The following ARHGAP21 variants were observed in gnomAD, a reference collection of about 807,000 sequenced individuals.
The protein encoded by ARHGAP21 is rho GTPase-activating protein 21.
In ARHGAP21, 38 loss-of-function variants were observed where a neutral mutation model predicts 164.6. The ratio of observed to expected loss-of-function variants is 0.23; its 90% CI spans 0.18 to 0.30. The LOEUF is 0.30. Ranked by LOEUF, ARHGAP21 falls within the 10% of genes least tolerant of loss-of-function variation. The pLI is 1.00. For synonymous variants in ARHGAP21, 766 were observed against 857.9 expected (o/e 0.89, Z 1.87); for missense variants, 1,822 against 2,370.7 (o/e 0.77, Z 4.81).
chr10:24,666,953 T>A (rs748143233), intron 4 of ARHGAP21, 32 bp downstream of exon 4: 11 of 1,417,948 alleles, frequency 7.8e-6, no homozygotes, highest in South Asian at 7.5e-5. Context: ...TAGAAAAACA[T>A]TCAGAGATAA....
chr10:24,670,422 T>C (rs201984558), intron 2 of ARHGAP21, 25 bp from the exon 3 acceptor site: 2 of 1,538,962 alleles, frequency 1.3e-6, no homozygotes, highest in Non-Finnish European at 1.8e-6. Flanking sequence ...TATTTAAAAG[T>C]TAACTACATA....
intron 4 of ARHGAP21, among the ~76,000 whole-genome samples, chr10:24,664,464 G>T (rs553870719): frequency 6.6e-6 from 1 of 151,650 alleles, no homozygotes; most frequent in African/African-American, 2.4e-5. Flanking sequence ...GGTGAGGCAG[G>T]AGAATCGCTT....
chr10:24,597,879 C>A, intron 15 of ARHGAP21, 66 bp downstream of exon 15: 1 of 1,499,954 alleles, frequency 6.7e-7, no homozygotes, highest in Non-Finnish European at 9.2e-7. Context: ...TGTATCCTTG[C>A]AAATAAGGGG....
intron 8 of ARHGAP21, among the ~76,000 whole-genome samples, chr10:24,622,458 A>G (rs1231095492): frequency 2.9e-5 from 2 of 69,322 alleles, no homozygotes; most frequent in Non-Finnish European, 6.6e-5. Flanking sequence ...ATATATATAT[A>G]TATATATATA....
chr10:24,669,146 T>C (rs1840467015), intron 3 of ARHGAP21, among the ~76,000 whole-genome samples: 1 of 152,072 alleles, frequency 6.6e-6, no homozygotes. Flanking sequence ...TTTCCTGTTA[T>C]CTCAGTGTTA....
At chr10:24,674,044 A>AT (rs1251835035) in intron 2 of ARHGAP21, among the ~76,000 whole-genome samples, 4 of 152,216 alleles carry the variant, frequency 2.6e-5, no homozygotes, top group African/African-American at 7.2e-5. Flanking sequence ...CATACAATGA[A>AT]TTTTTTTTAA....
At chr10:24,717,823 G>A (rs763127962) in intron 2 of ARHGAP21, among the ~76,000 whole-genome samples, 7 of 150,604 alleles carry the variant, frequency 4.6e-5, no homozygotes, top group Non-Finnish European at 8.9e-5. Context: ...TCTGCCTTCC[G>A]GGTTCAAGGA....
At position 24,585,012 on chromosome 10, in the gene ARHGAP21, G is replaced by A; in HGVS notation, c.5277C>T (p.Pro1759=). The A allele has an allele frequency of 7.4e-6, 12 of 1,613,894 alleles. No homozygotes were observed. Among genetic ancestry groups the A allele is most frequent in the Non-Finnish European group, 1.0e-5 (12 of 1,179,862 alleles). ...PTRGESEKQE[P]TWKTKIADRL... The stretch of plus-strand genomic sequence containing the variant: ...GATCTGCTATTTTCGTTTTCCATGT[G>A]GGTTCCTGTTTTTCGGATTCGCCTC... The change falls in exon 26 of 26, where the codon CCC becomes CCT. Residue 1759 remains proline, a synonymous_variant. Transcript: ENST00000396432.
In ARHGAP21 at chr10:24,619,935, G is replaced by C; in HGVS notation, c.1960C>G (p.His654Asp). The C allele has an allele frequency of 6.2e-7, 1 of 1,614,118 alleles. No individual in the cohort carries two copies. Among genetic ancestry groups the C allele is most frequent in the Non-Finnish European group, 8.5e-7 (1 of 1,180,000 alleles). ...TTCAACAGACTGTTCTGATGCAAGT[G>C]ATTTACTGGTCTTTGGTCTTTGATA... is the stretch of plus-strand genomic sequence containing the variant. ...VSIKDQRPVN[H>D]LHQNSLLNQQ... Residue 654 changes from histidine to aspartate, a missense_variant, in exon 9 of 26, where the codon CAC (histidine) becomes GAC (aspartate). By Grantham distance (81) the His-to-Asp change is moderately conservative (BLOSUM62 -1). Coordinates refer to ENST00000396432, the MANE Select transcript of ARHGAP21 (RefSeq NM_020824.4).
At position 24,585,926 on chromosome 10, in the gene ARHGAP21, T is replaced by C; in HGVS notation, c.4363A>G (p.Lys1455Glu). Residue 1455 changes from lysine to glutamate, a missense_variant, in exon 26 of 26, where the codon AAA becomes GAA. By Grantham distance (56) the Lys-to-Glu change is moderately conservative (BLOSUM62 1). This residue lies in a region of ARHGAP21 where 333 missense variants were observed against 383.9 expected (regional missense o/e 0.87). Coordinates refer to ENST00000396432, the MANE Select transcript of ARHGAP21 (RefSeq NM_020824.4). ...TCACTTTCTTTTTTGGACTCCTCTTTAGTATCATTGTGACACTGTTCCACA... is the reference window on the plus strand; with the variant it reads ...TCACTTTCTTTTTTGGACTCCTCTTCAGTATCATTGTGACACTGTTCCACA... ...ENVEQCHNDTKEESKKESETL... is the reference protein window; with the variant it reads ...ENVEQCHNDTEEESKKESETL... The C allele has an allele frequency of 2.5e-6, 4 of 1,614,152 alleles. No individual in the cohort carries two copies. Among genetic ancestry groups the C allele is most frequent in the African/African-American group, 1.3e-5 (1 of 75,040 alleles).
At chr10:24,682,193 T>C (rs1396393943) in intron 2 of ARHGAP21, among the ~76,000 whole-genome samples, 1 of 151,908 alleles carries the variant, frequency 6.6e-6, no homozygotes, top group Non-Finnish European at 1.5e-5. Flanking sequence ...TTTGAGATAC[T>C]TGGGAAAACA....
At chr10:24,638,051 G>A (rs7080743) in intron 4 of ARHGAP21, among the ~76,000 whole-genome samples, 69,642 of 151,536 alleles carry the variant, frequency 0.46, 16,680 homozygotes, top group Middle Eastern at 0.54. Flanking sequence ...ATTTTTAGTA[G>A]AGATGGGGTT....
At chr10:24,689,552 C>A (rs533995057) in intron 2 of ARHGAP21, among the ~76,000 whole-genome samples, 2 of 151,968 alleles carry the variant, frequency 1.3e-5, no homozygotes, top group African/African-American at 4.8e-5. Flanking sequence ...CCAGCCTGGG[C>A]AATATGGCAA....
At chr10:24,665,154 A>T (rs1840069247) in intron 4 of ARHGAP21, among the ~76,000 whole-genome samples, 1 of 152,012 alleles carries the variant, frequency 6.6e-6, no homozygotes. Flanking sequence ...TTTCCCCACT[A>T]AGGCTTATTT....
chr10:24,638,349 C>G (rs141242988), intron 4 of ARHGAP21, among the ~76,000 whole-genome samples: 13 of 152,300 alleles, frequency 8.5e-5, no homozygotes, highest in African/African-American at 2.9e-4. Context: ...GAGTTAAACA[C>G]TTGACTCATG....
chr10:24,627,607 C>A (rs561502292), intron 7 of ARHGAP21, among the ~76,000 whole-genome samples: 3 of 152,172 alleles, frequency 2.0e-5, no homozygotes, highest in Non-Finnish European at 4.4e-5. Flanking sequence ...CCTTGAAGAT[C>A]TGCATGCTCA....
At chr10:24,608,506 T>A (rs1168100531) in intron 9 of ARHGAP21, among the ~76,000 whole-genome samples, 1 of 152,164 alleles carries the variant, frequency 6.6e-6, no homozygotes, top group Non-Finnish European at 1.5e-5. Flanking sequence ...TGTAATTCAA[T>A]AGGATGCTGG....
chr10:24,696,289 T>C (rs74122844), intron 2 of ARHGAP21, among the ~76,000 whole-genome samples: 1 of 152,080 alleles, frequency 6.6e-6, no homozygotes, highest in East Asian at 1.9e-4. Flanking sequence ...GAGAAGAAAG[T>C]GGCCCAGAGA....
Position 24,619,504 on chromosome 10 carries a change from A to T in ARHGAP21, c.2391T>A (p.Pro797=), listed in dbSNP as rs1834332785. ...EERKASSTSP[P]GDSLASIPFI... is the part of the protein sequence containing the mutation. Reference sequence around the variant, plus strand: ...ATGGGATGGAAGCCAAAGAATCGCCAGGCGGACTGGTACTCGAGGCTTTTC... The same window carrying T: ...ATGGGATGGAAGCCAAAGAATCGCCTGGCGGACTGGTACTCGAGGCTTTTC... Residue 797 remains proline (P), a synonymous_variant, in exon 9 of 26, where the codon CCT becomes CCA. Coordinates refer to ENST00000396432, the MANE Select transcript of ARHGAP21 (RefSeq NM_020824.4). 3 of 1,614,008 alleles carry T rather than the reference A, an allele frequency of 1.9e-6. No homozygotes were observed. Among genetic ancestry groups the T allele is most frequent in the Non-Finnish European group, 2.5e-6 (3 of 1,180,034 alleles).
Sources: gnomAD v4.1 joint callset for allele counts (sites outside exome capture counted in the v4.1 genomes callset) on GRCh38, gnomAD v4.1.1 for gene constraint, gnomAD v4.1.1 regional missense constraint, MANE v1.5 for transcripts, NCBI Gene and HGNC (gene_info 2026-07-23, HGNC 2026-07-21) for gene names.